Variants in PHF21B observed in about 807,000 individuals in gnomAD.
The protein encoded by PHF21B is PHD finger protein 4.
A neutral mutation model predicts 62.2 loss-of-function variants in PHF21B; 22 were observed. That is an observed-to-expected ratio of 0.35 (90% CI 0.25 to 0.51). The LOEUF is 0.51. Ranked by LOEUF, PHF21B falls within the 20% of genes least tolerant of loss-of-function variation. The pLI is 0.97. For synonymous variants in PHF21B, 341 were observed against 314.7 expected (o/e 1.08, Z -0.88); for missense variants, 701 against 707.9 (o/e 0.99, Z 0.11).
chr22:44,961,190 C>CAG (rs1469455021), intron 2 of PHF21B, among the ~76,000 whole-genome samples: 1 of 151,868 alleles, frequency 6.6e-6, no homozygotes, highest in African/African-American at 2.4e-5. Flanking sequence ...CTCTTGACCT[C>CAG]GTGATCCACC....
At chr22:44,890,190 A>G (rs1431965963) in intron 8 of PHF21B, among the ~76,000 whole-genome samples, 8 of 152,140 alleles carry the variant, frequency 5.3e-5, no homozygotes, top group Admixed American at 5.2e-4. Context: ...AGGAGCCACC[A>G]TGGGAACAGG....
At chr22:44,978,152 A>G (rs770514112) in intron 2 of PHF21B, among the ~76,000 whole-genome samples, 1 of 152,090 alleles carries the variant, frequency 6.6e-6, no homozygotes, top group Non-Finnish European at 1.5e-5. Flanking sequence ...TATGGGAAAT[A>G]CCTACAAGTG....
At chr22:44,949,301 C>CA (rs1173438062) in intron 2 of PHF21B, among the ~76,000 whole-genome samples, 2,789 of 41,200 alleles carry the variant, frequency 0.068, 124 homozygotes, top group African/African-American at 0.13. Flanking sequence ...AACTCCATCT[C>CA]AAAAAAAAGA....
At position 44,934,019 on chromosome 22, in the gene PHF21B, A is replaced by G. The variant is rs182576007; in HGVS notation, c.121-13529T>C. On this transcript the variant is annotated intron_variant, in intron 2 of 12. Transcript: ENST00000313237. The stretch of plus-strand genomic sequence containing the variant: ...AGGGACTTCCTGGTGAAAACTAACA[A>G]GAAAATATATGGCATGTGTAACCAC... 1.3e-3 allele frequency among the ~76,000 whole-genome samples: 204 copies of G among 152,302 alleles called. 1 individual carries two copies. Among genetic ancestry groups the G allele is most frequent in the African/African-American group, 4.7e-3 (194 of 41,570 alleles).
intron 6 of PHF21B, 80 bp downstream of exon 6, chr22:44,895,952 C>A: frequency 2.7e-6 from 4 of 1,487,462 alleles, no homozygotes; most frequent in South Asian, 1.1e-5. Flanking sequence ...CCAGACCACC[C>A]ATCATCACAC....
At chr22:44,907,903 G>A (rs1033006017) in intron 5 of PHF21B, among the ~76,000 whole-genome samples, 2 of 152,160 alleles carry the variant, frequency 1.3e-5, no homozygotes, top group Non-Finnish European at 2.9e-5. Context: ...ACAATCCCAC[G>A]GTCCACTGAC....
chr22:44,893,429 G>A (rs1378709710), intron 7 of PHF21B, 28 bp downstream of exon 7: 1 of 1,574,744 alleles, frequency 6.4e-7, no homozygotes, highest in South Asian at 1.2e-5. Context: ...CCACCCTCCT[G>A]GTGGCATGGG....
At chr22:44,989,348 T>C (rs549489328) in intron 2 of PHF21B, 1 of 152,320 alleles carries the variant, frequency 6.6e-6, no homozygotes, top group Admixed American at 6.5e-5. Context: ...CGCTGGATTT[T>C]ATTTGTGGGT....
chr22:44,895,692 C>T (rs2071043647), intron 6 of PHF21B, among the ~76,000 whole-genome samples: 1 of 152,194 alleles, frequency 6.6e-6, no homozygotes, highest in South Asian at 2.1e-4. Flanking sequence ...GAGCAGGGAG[C>T]CCACACGGTC....
At chr22:44,916,712 C>G in intron 3 of PHF21B, 82 bp from the exon 4 acceptor site, 2 of 1,271,986 alleles carry the variant, frequency 1.6e-6, no homozygotes, top group South Asian at 2.4e-5. Flanking sequence ...TCGGAGACTT[C>G]CTATATTCAA....
chr22:44,917,212 G>T (rs879858083), intron 3 of PHF21B, among the ~76,000 whole-genome samples: 1 of 152,246 alleles, frequency 6.6e-6, no homozygotes, highest in South Asian at 2.1e-4. Flanking sequence ...CAGGGCTCTG[G>T]ACAGACTGTT....
At chr22:44,929,354 C>T (rs1191483068) in intron 2 of PHF21B, among the ~76,000 whole-genome samples, 1 of 152,218 alleles carries the variant, frequency 6.6e-6, no homozygotes, top group Non-Finnish European at 1.5e-5. Context: ...TTTGGTGTCC[C>T]CCACCCTCAT....
At position 44,916,273 on chromosome 22, in the gene PHF21B, C is replaced by T; in HGVS notation, c.564+7G>A. The stretch of plus-strand genomic sequence containing the variant: ...ACCCTTTCCGGAGCCTGCTGGTGGG[C>T]ACTCACCTTGTTGTCAGCACTGATG... On this transcript the variant is annotated splice_region_variant and intron_variant, in intron 4 of 12. Transcript: ENST00000313237. 1 of 1,607,352 alleles carries T rather than the reference C, an allele frequency of 6.2e-7. No homozygotes were observed. Among genetic ancestry groups the T allele is most frequent in the South Asian group, 1.1e-5 (1 of 90,150 alleles).
chr22:44,951,752 T>G (rs1017063368), intron 2 of PHF21B, among the ~76,000 whole-genome samples: 2 of 152,234 alleles, frequency 1.3e-5, no homozygotes, highest in Non-Finnish European at 2.9e-5. Context: ...TGAACACCTT[T>G]TTTTTGGTGA....
chr22:44,897,855 CTGGAGTACAG>C lies in PHF21B; in HGVS notation c.832-1782_832-1773del, dbSNP rs374903945. ...ACAGAGTCTCACTCTGTCAACCAGG[CTGGAGTACAG>C]TGGCACAATCATAGCTCACTGCAGC... On this transcript the variant is annotated intron_variant, in intron 5 of 12. Coordinates refer to ENST00000313237, the MANE Select transcript of PHF21B (RefSeq NM_138415.5). Among the ~76,000 whole-genome samples the C allele has an allele frequency of 5.6e-3, 850 of 152,268 alleles. 5 individuals carry two copies. The highest frequency in any genetic ancestry group is 0.019 in the African/African-American group (796 of 41,556).
In PHF21B at chr22:45,009,480, G is replaced by A; in HGVS notation, c.54+16C>T. 6.5e-7 allele frequency: 1 copy of A among 1,532,730 alleles called. No individual in the cohort carries two copies. Among genetic ancestry groups the A allele is most frequent in the East Asian group, 2.5e-5 (1 of 40,504 alleles). 94.9% of individuals were successfully genotyped at this position (1,532,730 alleles called of 1,614,324 possible). On this transcript the variant is annotated intron_variant, in intron 1 of 12. Coordinates refer to ENST00000313237, the MANE Select transcript of PHF21B (RefSeq NM_138415.5). The surrounding 1 kb of genome is among the most constrained non-coding windows in gnomAD (Gnocchi z 5.9). ...AACACACTCCCCGGCCCCGGGCCCG[G>A]CCCCCGGCCACCTACCTGGTGGCGC...
chr22:44,897,727 C>G (rs1229194572), intron 5 of PHF21B, among the ~76,000 whole-genome samples: 1 of 152,074 alleles, frequency 6.6e-6, no homozygotes, highest in Non-Finnish European at 1.5e-5. Context: ...TCCTGTATAC[C>G]CCACACCCAG....
chr22:44,968,446 C>G (rs940476948), intron 2 of PHF21B, among the ~76,000 whole-genome samples: 1 of 152,062 alleles, frequency 6.6e-6, no homozygotes, highest in African/African-American at 2.4e-5. Context: ...GAGTTCGAGA[C>G]CAGCCTGGCC....
intron 5 of PHF21B, among the ~76,000 whole-genome samples, chr22:44,902,860 A>C (rs1326472517): frequency 4.6e-5 from 7 of 152,232 alleles, no homozygotes; most frequent in African/African-American, 1.7e-4. Context: ...AACATAACTA[A>C]ATGAGCTGAA....
Sources: gnomAD v4.1 joint callset for allele counts (sites outside exome capture counted in the v4.1 genomes callset) on GRCh38, gnomAD v4.1.1 for gene constraint, Gnocchi (gnomAD v3.1) non-coding constraint, MANE v1.5 for transcripts, NCBI Gene and HGNC (gene_info 2026-07-23, HGNC 2026-07-21) for gene names.